The following EML6 variants were observed in gnomAD, a reference collection of about 807,000 sequenced individuals.
EML6 encodes EMAP like 6.
In EML6, 154 loss-of-function variants were observed where a neutral mutation model predicts 240.1. The observed-to-expected ratio is 0.64, with a 90% CI of 0.56 to 0.73. EML6 has a LOEUF of 0.73. Ranked by LOEUF, EML6 falls within the 30% of genes least tolerant of loss-of-function variation. EML6 has a pLI of 0.00. For missense variants in EML6, 2,964 were observed against 2,474.6 expected (o/e 1.20, Z -4.20); for synonymous variants, 1,148 against 899.0 (o/e 1.28, Z -4.95).
chr2:54,875,562 T>G (rs1671463147), intron 16 of EML6, among the ~76,000 whole-genome samples: 1 of 152,204 alleles, frequency 6.6e-6, no homozygotes, highest in African/African-American at 2.4e-5. Flanking sequence ...ATGTGAAAAC[T>G]AGATAACAAA....
chr2:54,907,371 G>T (rs1394474784), intron 24 of EML6, among the ~76,000 whole-genome samples: 2 of 152,186 alleles, frequency 1.3e-5, no homozygotes. Context: ...GCCAGGTGTG[G>T]TGGCGGGCGC....
chr2:54,749,062 T>C (rs1684041569), intron 2 of EML6, among the ~76,000 whole-genome samples: 1 of 152,214 alleles, frequency 6.6e-6, no homozygotes, highest in African/African-American at 2.4e-5. Context: ...GTGTATACTT[T>C]GTATTGTGAT....
chr2:54,969,996 C>T (rs1320022543), intron 41 of EML6, 75 bp from the exon 42 acceptor site: 13 of 1,496,158 alleles, frequency 8.7e-6, no homozygotes, highest in Non-Finnish European at 1.1e-5. Context: ...GAGCACTTGG[C>T]AAGATTGTTT....
At chr2:54,723,976 T>C (rs745890229) in intron 1 of EML6, among the ~76,000 whole-genome samples, 199 bp downstream of exon 1, 29 of 152,188 alleles carry the variant, frequency 1.9e-4, no homozygotes, top group Non-Finnish European at 4.0e-4. Flanking sequence ...GCGACCCCTC[T>C]CCACGCTGGG....
chr2:54,931,883 G>A (rs372880015), intron 28 of EML6, among the ~76,000 whole-genome samples: 5 of 152,152 alleles, frequency 3.3e-5, no homozygotes, highest in African/African-American at 7.2e-5. Flanking sequence ...AGCACCTGTC[G>A]TACTGAGAAA....
chr2:54,819,408 C>G (rs542025222), intron 4 of EML6, among the ~76,000 whole-genome samples: 1 of 152,300 alleles, frequency 6.6e-6, no homozygotes, highest in East Asian at 1.9e-4. Flanking sequence ...ATTTGATTCT[C>G]AGGATTGACC....
At chr2:54,761,214 G>A (rs1328903902) in intron 2 of EML6, among the ~76,000 whole-genome samples, 1 of 152,036 alleles carries the variant, frequency 6.6e-6, no homozygotes, top group African/African-American at 2.4e-5. Context: ...AGTACTCCCA[G>A]TTTGTGGAAC....
intron 8 of EML6, among the ~76,000 whole-genome samples, chr2:54,844,883 A>G (rs1669666080): frequency 6.6e-6 from 1 of 152,240 alleles, no homozygotes; most frequent in Admixed American, 6.5e-5. Flanking sequence ...TATTAAAGGA[A>G]TGAACATATG....
chr2:54,739,352 C>T, intron 2 of EML6, among the ~76,000 whole-genome samples: 1 of 152,166 alleles, frequency 6.6e-6, no homozygotes, highest in East Asian at 1.9e-4. Context: ...GCAGGTGCTG[C>T]TAACACTTCT....
At chr2:54,802,121 T>A (rs142373229) in intron 2 of EML6, among the ~76,000 whole-genome samples, 2 of 152,248 alleles carry the variant, frequency 1.3e-5, no homozygotes, top group Non-Finnish European at 2.9e-5. Context: ...GGGTCATCAA[T>A]GGAAAAAACA....
chr2:54,732,417 A>G (rs1465954515), intron 2 of EML6, among the ~76,000 whole-genome samples: 1 of 152,144 alleles, frequency 6.6e-6, no homozygotes, highest in Non-Finnish European at 1.5e-5. Context: ...TAAGAGTTTT[A>G]TAGTTTTAGC....
chr2:54,841,099 AG>A (rs5831323), intron 7 of EML6, among the ~76,000 whole-genome samples: 97,475 of 152,142 alleles, frequency 0.64, 31,747 homozygotes, highest in East Asian at 0.89. Context: ...CAGGACAAGG[AG>A]GGGGGGCTGT....
At chr2:54,746,475 A>G (rs1263547087) in intron 2 of EML6, among the ~76,000 whole-genome samples, 4 of 152,240 alleles carry the variant, frequency 2.6e-5, no homozygotes, top group African/African-American at 9.6e-5. Context: ...TGAAATTTCA[A>G]GATATATACA....
At chr2:54,844,433 A>G (rs925376527) in intron 8 of EML6, among the ~76,000 whole-genome samples, 185 bp downstream of exon 8, 1 of 152,192 alleles carries the variant, frequency 6.6e-6, no homozygotes, top group Non-Finnish European at 1.5e-5. Context: ...TCTTGGCTGC[A>G]TCTTAAATCA....
rs1032742839 is a variant in EML6, at chr2:54,968,721, C to G, written c.5805C>G (p.Phe1935Leu). 3.2e-6 allele frequency: 5 copies of G among 1,551,402 alleles called. No individual in the cohort carries two copies. Among genetic ancestry groups the G allele is most frequent in the Non-Finnish European group, 3.5e-6 (4 of 1,146,626 alleles). Reference sequence around the variant, plus strand: ...CGGCTCACGTGACGAACATCCGTTTCTCTTATGATGACAAGTATGTGGTCA... The same window carrying G: ...CGGCTCACGTGACGAACATCCGTTTGTCTTATGATGACAAGTATGTGGTCA... ...GHSAHVTNIRFSYDDKYVVST... is the reference protein window; with the variant it reads ...GHSAHVTNIRLSYDDKYVVST... Residue 1935 changes from phenylalanine (F) to leucine (L), a missense_variant, in exon 41 of 42, where the codon TTC becomes TTG. Physicochemically the swap from Phe to Leu is conservative, Grantham distance 22 (BLOSUM62 0). Coordinates refer to ENST00000356458, the MANE Select transcript of EML6 (RefSeq NM_001039753.4).
chr2:54,958,481 C>G (rs900823124), intron 33 of EML6, among the ~76,000 whole-genome samples: 1 of 151,868 alleles, frequency 6.6e-6, no homozygotes. Flanking sequence ...TGTGAGCCAC[C>G]TCGCCTGGCC....
chr2:54,879,870 T>G, intron 17 of EML6: 1 of 521,410 alleles, frequency 1.9e-6, no homozygotes, highest in Non-Finnish European at 3.4e-6. Flanking sequence ...CTGCAGAGAG[T>G]CATTCACCGC....
chr2:54,792,127 A>C (rs549148797), intron 2 of EML6, among the ~76,000 whole-genome samples: 1 of 152,360 alleles, frequency 6.6e-6, no homozygotes, highest in South Asian at 2.1e-4. Context: ...AAGGGAGTAT[A>C]AATTACAGTG....
rs1220899501 is a variant in EML6, at chr2:54,928,750, A to G, written c.4003A>G (p.Arg1335Gly). ...QQLKEVSVEE[R>G]PPVSRAAPQP... is the part of the protein sequence containing the mutation. ...GCTGAAGGAAGTTTCCGTGGAAGAA[A>G]GGTATGGTGTTGCCAGGTTTGCTTG... Residue 1335 changes from arginine to glycine, a missense_variant and splice_region_variant, in exon 28 of 42, where the codon AGA becomes GGA. Transcript: ENST00000356458. The G allele has an allele frequency of 1.9e-6, 3 of 1,551,842 alleles. No individual in the cohort carries two copies.
Sources: gnomAD v4.1 joint callset for allele counts (sites outside exome capture counted in the v4.1 genomes callset) on GRCh38, gnomAD v4.1.1 for gene constraint, MANE v1.5 for transcripts, NCBI Gene and HGNC (gene_info 2026-07-23, HGNC 2026-07-21) for gene names.